PTPRD: variants seen among roughly 807,000 people sequenced by gnomAD.
PTPRD encodes the protein protein tyrosine phosphatase receptor type D.
A neutral mutation model predicts 214.5 loss-of-function variants in PTPRD; 34 were observed. That is an observed-to-expected ratio of 0.16 (90% CI 0.12 to 0.21). PTPRD has a LOEUF of 0.21. PTPRD is among the 10% of genes least tolerant of loss of function. PTPRD has a pLI of 1.00. For missense variants in PTPRD, 2,545 were observed against 2,398.7 expected, an observed-to-expected ratio of 1.06 and a Z score of -1.27; for synonymous variants, 1,128 against 845.7, an observed-to-expected ratio of 1.33 and a Z score of -5.79.
intron 11 of PTPRD, among the ~76,000 whole-genome samples, chr9:8,882,066 C>G (rs2098450444): frequency 6.6e-6 from 1 of 152,112 alleles, no homozygotes; most frequent in Non-Finnish European, 1.5e-5. Flanking sequence ...CAGAAGTCAA[C>G]CAGAGAGCAG....
intron 5 of PTPRD, among the ~76,000 whole-genome samples, chr9:9,853,913 T>C (rs892654175): frequency 6.6e-6 from 1 of 152,254 alleles, no homozygotes; most frequent in Non-Finnish European, 1.5e-5. Context: ...CACAATGTGA[T>C]GTTTCCATCT....
At chr9:9,421,004 T>G (rs1382907427) in intron 8 of PTPRD, among the ~76,000 whole-genome samples, 1 of 151,964 alleles carries the variant, frequency 6.6e-6, no homozygotes, top group African/African-American at 2.4e-5. Context: ...GCATGCCTTG[T>G]CCATAATAGA....
intron 10 of PTPRD, among the ~76,000 whole-genome samples, chr9:9,095,609 C>T (rs1216622198): frequency 2.0e-5 from 3 of 151,966 alleles, no homozygotes; most frequent in Admixed American, 1.3e-4. Flanking sequence ...GAATTATAGA[C>T]GAGCCACCAC....
At chr9:8,916,982 C>T (rs939781741) in intron 11 of PTPRD, among the ~76,000 whole-genome samples, 2 of 151,596 alleles carry the variant, frequency 1.3e-5, no homozygotes, top group East Asian at 3.9e-4. Context: ...ATCGTGTTCT[C>T]TTTATGAGGC....
At chr9:8,732,987 A>T (rs536005767) in intron 12 of PTPRD, among the ~76,000 whole-genome samples, 1 of 152,324 alleles carries the variant, frequency 6.6e-6, no homozygotes, top group African/African-American at 2.4e-5. Flanking sequence ...AAGGAACCAC[A>T]CATGTCAGGG....
intron 14 of PTPRD, among the ~76,000 whole-genome samples, chr9:8,579,567 G>C (rs77795146): frequency 6.6e-6 from 1 of 152,158 alleles, no homozygotes; most frequent in Non-Finnish European, 1.5e-5. Context: ...CACAGTGCCT[G>C]TCATAAAAGA....
At chr9:9,012,001 A>G (rs974806664) in intron 11 of PTPRD, among the ~76,000 whole-genome samples, 36 of 152,208 alleles carry the variant, frequency 2.4e-4, no homozygotes, top group African/African-American at 8.4e-4. Flanking sequence ...ATAAGCCTCC[A>G]CCTTGCTATC....
At chr9:8,416,111 A>G (rs1219516536) in intron 35 of PTPRD, among the ~76,000 whole-genome samples, 1 of 152,188 alleles carries the variant, frequency 6.6e-6, no homozygotes, top group African/African-American at 2.4e-5. Flanking sequence ...GTATACAATC[A>G]TTTAAAATAA....
Position 10,442,934 on chromosome 9 carries a change from T to A in PTPRD, c.-599-101917A>T, listed in dbSNP as rs766028722. Among the ~76,000 whole-genome samples, 137 of 151,534 alleles carry A rather than the reference T, an allele frequency of 9.0e-4. 1 individual carries two copies. Among genetic ancestry groups the A allele is most frequent in the Non-Finnish European group, 1.9e-4 (13 of 67,634 alleles). The stretch of plus-strand genomic sequence containing the variant: ...CTTGACATGTATTAGTTGATTGTTG[T>A]ATGTGTAGAAATGAATGTATTCACA... On this transcript the variant is annotated intron_variant, in intron 2 of 45. Coordinates refer to ENST00000381196, the MANE Select transcript of PTPRD (RefSeq NM_002839.4).
At chr9:10,360,933 T>C (rs2097370772) in intron 2 of PTPRD, among the ~76,000 whole-genome samples, 1 of 152,002 alleles carries the variant, frequency 6.6e-6, no homozygotes, top group South Asian at 2.1e-4. Flanking sequence ...AAACCCCGTC[T>C]CTACTAAAAA....
intron 2 of PTPRD, among the ~76,000 whole-genome samples, chr9:10,469,089 C>T (rs76428226): frequency 0.021 from 3,162 of 152,156 alleles, 107 homozygotes; most frequent in African/African-American, 0.071. Flanking sequence ...AGTATGTCTA[C>T]TACTCATGCC....
intron 2 of PTPRD, among the ~76,000 whole-genome samples, chr9:10,367,705 A>T (rs2097540280): frequency 6.6e-6 from 1 of 151,980 alleles, no homozygotes; most frequent in Non-Finnish European, 1.5e-5. Context: ...TTTCTTTACT[A>T]CTCCTTTGAT....
chr9:9,222,624 C>G (rs966194121), intron 9 of PTPRD, among the ~76,000 whole-genome samples: 2 of 151,872 alleles, frequency 1.3e-5, no homozygotes, highest in East Asian at 3.9e-4. Flanking sequence ...TGTCTAAACA[C>G]GAAAACAGAT....
chr9:8,442,869 C>A (rs931011994), intron 34 of PTPRD, among the ~76,000 whole-genome samples: 2 of 151,790 alleles, frequency 1.3e-5, no homozygotes, highest in African/African-American at 4.9e-5. Flanking sequence ...GAGTCACCAA[C>A]AGTGCTTTTC....
intron 10 of PTPRD, among the ~76,000 whole-genome samples, chr9:9,171,481 T>C (rs2099917333): frequency 6.6e-6 from 1 of 151,374 alleles, no homozygotes; most frequent in Non-Finnish European, 1.5e-5. Flanking sequence ...CATGAAAAAA[T>C]GCGGGAAGTG....
intron 34 of PTPRD, among the ~76,000 whole-genome samples, chr9:8,446,548 T>G (rs1190182138): frequency 6.6e-6 from 1 of 152,220 alleles, no homozygotes; most frequent in Admixed American, 6.6e-5. Flanking sequence ...TACTAGGTAC[T>G]GGTTATATAA....
At chr9:9,918,491 C>A (rs1346367262) in intron 5 of PTPRD, among the ~76,000 whole-genome samples, 2 of 151,872 alleles carry the variant, frequency 1.3e-5, no homozygotes, top group Non-Finnish European at 2.9e-5. Flanking sequence ...CCAAAGCAAT[C>A]TGATTCGATT....
At chr9:8,513,449 A>G (rs2097721507) in intron 21 of PTPRD, among the ~76,000 whole-genome samples, 1 of 152,100 alleles carries the variant, frequency 6.6e-6, no homozygotes, top group African/African-American at 2.4e-5. Flanking sequence ...GTTTCAAACA[A>G]AAACAGGAAT....
intron 27 of PTPRD, among the ~76,000 whole-genome samples, chr9:8,491,221 A>G (rs918754998): frequency 6.6e-6 from 1 of 152,244 alleles, no homozygotes; most frequent in Non-Finnish European, 1.5e-5. Context: ...ATTGATTAAG[A>G]AGGATCTAAA....
Sources: gnomAD v4.1 joint callset for allele counts (sites outside exome capture counted in the v4.1 genomes callset) on GRCh38, gnomAD v4.1.1 for gene constraint, MANE v1.5 for transcripts, NCBI Gene and HGNC (gene_info 2026-07-23, HGNC 2026-07-21) for gene names.